Variants in C8orf34 observed in about 807,000 individuals in gnomAD.
The protein encoded by C8orf34 is uncharacterized protein C8orf34.
Under a neutral mutation model 68.3 loss-of-function variants are expected in C8orf34, and 65 were observed. That is an observed-to-expected ratio of 0.95 (90% confidence interval 0.78 to 1.17). The LOEUF (loss-of-function observed/expected upper bound fraction) is 1.17. C8orf34 is among the 50% of genes most tolerant of loss of function. The probability of loss-of-function intolerance (pLI) is 0.00; values close to 1 mark genes in which losing one functional copy is unlikely to be tolerated. For synonymous variants in C8orf34, 244 were observed against 241.2 expected, an observed-to-expected ratio of 1.01 and a Z score of -0.11; for missense variants, 664 against 655.4, an observed-to-expected ratio of 1.01 and a Z score of -0.14.
intron 4 of C8orf34, among the ~76,000 whole-genome samples, chr8:68,478,932 A>G (rs193159716): frequency 1.3e-3 from 195 of 152,344 alleles, no homozygotes; most frequent in Admixed American, 2.8e-3. Context: ...AAACCATATC[A>G]TATGCATACA....
chr8:68,599,866 A>G (rs1817648231), intron 7 of C8orf34, among the ~76,000 whole-genome samples: 1 of 152,068 alleles, frequency 6.6e-6, no homozygotes, highest in South Asian at 2.1e-4. Flanking sequence ...ATGTGTGTGT[A>G]TACAGACACA....
intron 1 of C8orf34, among the ~76,000 whole-genome samples, chr8:68,407,748 A>T (rs184491531): frequency 4.2e-4 from 64 of 151,544 alleles, no homozygotes; most frequent in Non-Finnish European, 6.9e-4. Flanking sequence ...ATACTTTCCC[A>T]TTTTTTTTGT....
intron 7 of C8orf34, among the ~76,000 whole-genome samples, chr8:68,556,822 G>A (rs73268457): frequency 0.21 from 31,803 of 152,054 alleles, 4,285 homozygotes; most frequent in African/African-American, 0.39. Flanking sequence ...GCAGTTAATG[G>A]TGATTGAATT....
chr8:68,570,299 G>A (rs894879555), intron 7 of C8orf34, among the ~76,000 whole-genome samples: 1 of 152,142 alleles, frequency 6.6e-6, no homozygotes, highest in African/African-American at 2.4e-5. Context: ...TACTCATCCT[G>A]AGAAAGCTTC....
At chr8:68,660,908 G>A (rs1819655321) in intron 8 of C8orf34, among the ~76,000 whole-genome samples, 2 of 151,536 alleles carry the variant, frequency 1.3e-5, no homozygotes, top group Non-Finnish European at 1.5e-5. Flanking sequence ...AAAGGGGGGG[G>A]AAAAACAACA....
intron 1 of C8orf34, among the ~76,000 whole-genome samples, chr8:68,386,641 G>T (rs540630851): frequency 2.0e-5 from 3 of 152,108 alleles, no homozygotes; most frequent in Non-Finnish European, 2.9e-5. Context: ...TTAGATCTGT[G>T]TTATGATTTG....
chr8:68,368,355 C>T (rs752676406), intron 1 of C8orf34, among the ~76,000 whole-genome samples: 6 of 152,052 alleles, frequency 3.9e-5, no homozygotes, highest in Admixed American at 6.6e-5. Context: ...TGTCTAGTTG[C>T]TATAGCTTTT....
At chr8:68,711,295 A>G (rs1223581702) in intron 9 of C8orf34, among the ~76,000 whole-genome samples, 1 of 152,190 alleles carries the variant, frequency 6.6e-6, no homozygotes, top group East Asian at 1.9e-4. Flanking sequence ...CGAGCTCACA[A>G]GCAATGGATC....
intron 7 of C8orf34, among the ~76,000 whole-genome samples, chr8:68,605,162 T>C (rs1817818203): frequency 6.6e-6 from 1 of 152,114 alleles, no homozygotes; most frequent in South Asian, 2.1e-4. Flanking sequence ...AATGAGATGT[T>C]ACTACACACC....
intron 1 of C8orf34, among the ~76,000 whole-genome samples, chr8:68,370,014 T>C (rs551001936): frequency 6.6e-6 from 1 of 152,250 alleles, no homozygotes; most frequent in South Asian, 2.1e-4. Context: ...GAGGGCATGC[T>C]CCTTTGTGGT....
chr8:68,369,904 A>C (rs1807484597), intron 1 of C8orf34, among the ~76,000 whole-genome samples: 1 of 152,192 alleles, frequency 6.6e-6, no homozygotes, highest in Non-Finnish European at 1.5e-5. Context: ...GCTGAGCTGT[A>C]CTGCCTGCAG....
At chr8:68,612,995 C>T (rs1309126462) in intron 7 of C8orf34, among the ~76,000 whole-genome samples, 1 of 152,092 alleles carries the variant, frequency 6.6e-6, no homozygotes, top group Non-Finnish European at 1.5e-5. Context: ...GTTTCTAGCA[C>T]CATTAATGCT....
chr8:68,747,137 A>G (rs1252230195), intron 10 of C8orf34, among the ~76,000 whole-genome samples: 1 of 152,162 alleles, frequency 6.6e-6, no homozygotes, highest in Non-Finnish European at 1.5e-5. Context: ...CAAAAACCAC[A>G]TGATTATCTC....
At chr8:68,700,950 C>A (rs929690521) in intron 8 of C8orf34, among the ~76,000 whole-genome samples, 2 of 151,954 alleles carry the variant, frequency 1.3e-5, no homozygotes, top group Admixed American at 6.6e-5. Context: ...AATTAAAAGC[C>A]GACTTTAGAC....
intron 10 of C8orf34, among the ~76,000 whole-genome samples, chr8:68,752,790 A>G (rs111600187): frequency 6.6e-6 from 1 of 152,174 alleles, no homozygotes; most frequent in African/African-American, 2.4e-5. Flanking sequence ...TTTTTCTCCC[A>G]TTCTTGTATA....
At chr8:68,435,677 A>G (rs1394957057) in intron 1 of C8orf34, among the ~76,000 whole-genome samples, 2 of 152,124 alleles carry the variant, frequency 1.3e-5, no homozygotes, top group East Asian at 1.9e-4. Context: ...TCTCCTACAC[A>G]TTTCTTTCAC....
intron 9 of C8orf34, among the ~76,000 whole-genome samples, chr8:68,713,296 C>A (rs967863717): frequency 6.6e-6 from 1 of 151,650 alleles, no homozygotes; most frequent in Non-Finnish European, 1.5e-5. Context: ...CTATCCATCC[C>A]AGAAGAAGAA....
At chr8:68,674,570 G>A (rs957826006) in intron 8 of C8orf34, among the ~76,000 whole-genome samples, 7 of 151,970 alleles carry the variant, frequency 4.6e-5, no homozygotes, top group Non-Finnish European at 7.4e-5. Context: ...GAATTAGTGA[G>A]CTTGAAGGCA....
intron 12 of C8orf34, chr8:68,791,008 T>C (rs1046931960): frequency 3.3e-6 from 2 of 600,260 alleles, no homozygotes; most frequent in Non-Finnish European, 5.9e-6. Flanking sequence ...TCCTCATCTA[T>C]AAATAAGTTT....
Sources: allele counts gnomAD v4.1 joint callset (sites outside exome capture counted in the v4.1 genomes callset), GRCh38; gene constraint gnomAD v4.1.1; transcripts MANE v1.5; gene names NCBI Gene and HGNC (gene_info 2026-07-23, HGNC 2026-07-21).